Variants in UNC5C observed in about 807,000 individuals in gnomAD.
UNC5C encodes netrin receptor UNC5C.
A neutral mutation model predicts 99.8 loss-of-function variants in UNC5C; 47 were observed. The ratio of observed to expected loss-of-function variants is 0.47; its 90% CI spans 0.37 to 0.60. The LOEUF (loss-of-function observed/expected upper bound fraction) is 0.60. Ranked by LOEUF, UNC5C falls within the 20% of genes least tolerant of loss-of-function variation. The pLI is 0.00. For synonymous variants in UNC5C, 487 were observed against 452.2 expected, an observed-to-expected ratio of 1.08 and a Z score of -0.98; for missense variants, 1,062 against 1,165.9, an observed-to-expected ratio of 0.91 and a Z score of 1.30.
intron 3 of UNC5C, among the ~76,000 whole-genome samples, chr4:95,284,034 T>G (rs2149396553): frequency 6.6e-6 from 1 of 152,316 alleles, no homozygotes; most frequent in African/African-American, 2.4e-5. Context: ...TATTTTCCAT[T>G]TATACATAAC....
rs190092470 is a variant in UNC5C, at chr4:95,520,622, G to A, written c.124+28112C>T. Among the ~76,000 whole-genome samples the A allele has an allele frequency of 5.4e-4, 78 of 145,676 alleles. 1 individual carries two copies. The East Asian group carries it at 0.012, about 22-fold the overall frequency. The stretch of plus-strand genomic sequence containing the variant: ...TTTTTTTTTTTTTTTTTTTTGAGAC[G>A]GAGTCTCCCTCTGTCGCCCAGGCTG... On this transcript the variant is annotated intron_variant, in intron 1 of 15. Coordinates refer to ENST00000453304, the MANE Select transcript of UNC5C (RefSeq NM_003728.4).
At chr4:95,513,615 ATTATT>A (rs1473522115) in intron 1 of UNC5C, among the ~76,000 whole-genome samples, 1 of 152,150 alleles carries the variant, frequency 6.6e-6, no homozygotes, top group Non-Finnish European at 1.5e-5. Flanking sequence ...GTAAATTTCA[ATTATT>A]TTATTTGTAT....
At chr4:95,470,462 T>A (rs1238270842) in intron 1 of UNC5C, among the ~76,000 whole-genome samples, 1 of 152,010 alleles carries the variant, frequency 6.6e-6, no homozygotes, top group Non-Finnish European at 1.5e-5. Context: ...GTATACAACA[T>A]CTGGGAAGGA....
intron 1 of UNC5C, among the ~76,000 whole-genome samples, chr4:95,456,445 T>C (rs1454996809): frequency 6.6e-6 from 1 of 152,110 alleles, no homozygotes; most frequent in Non-Finnish European, 1.5e-5. Context: ...ATTCTGTACA[T>C]TTTCACTGAC....
chr4:95,348,866 A>G (rs1743876985), intron 1 of UNC5C, among the ~76,000 whole-genome samples: 1 of 151,600 alleles, frequency 6.6e-6, no homozygotes, highest in African/African-American at 2.4e-5. Context: ...AGCCAGGTAC[A>G]GAAAGACAAA....
intron 3 of UNC5C, among the ~76,000 whole-genome samples, chr4:95,292,232 CACACATATATAT>C (rs1478310855): frequency 3.7e-5 from 3 of 80,546 alleles, no homozygotes; most frequent in African/African-American, 1.9e-4. Context: ...CACACACACA[CACACATATATAT>C]ATATATATAT....
chr4:95,319,422 G>T (rs983477997), intron 2 of UNC5C, among the ~76,000 whole-genome samples: 4 of 152,186 alleles, frequency 2.6e-5, no homozygotes, highest in African/African-American at 7.2e-5. Context: ...GATGAAATTA[G>T]AAATGAGTCC....
chr4:95,425,536 A>G (rs905224721), intron 1 of UNC5C, among the ~76,000 whole-genome samples: 1 of 152,156 alleles, frequency 6.6e-6, no homozygotes, highest in African/African-American at 2.4e-5. Context: ...GTTAGCCAGG[A>G]TGGTCTGGAT....
intron 2 of UNC5C, among the ~76,000 whole-genome samples, chr4:95,309,927 T>TA (rs1742218078): frequency 1.3e-5 from 2 of 152,148 alleles, no homozygotes; most frequent in Admixed American, 1.3e-4. Flanking sequence ...GCAGTTCCAC[T>TA]AATAGGTGTA....
At chr4:95,346,891 A>T (rs1743791677) in intron 1 of UNC5C, among the ~76,000 whole-genome samples, 1 of 152,046 alleles carries the variant, frequency 6.6e-6, no homozygotes, top group Admixed American at 6.6e-5. Context: ...CTGTTAGTCA[A>T]CATAGTACTA....
At chr4:95,332,735 C>A (rs1372260876) in intron 2 of UNC5C, among the ~76,000 whole-genome samples, 203 of 150,150 alleles carry the variant, frequency 1.4e-3, no homozygotes, top group African/African-American at 4.7e-3. Flanking sequence ...TCTAATTAAA[C>A]TAAAGAGCTT....
At chr4:95,504,169 G>C (rs1721849681) in intron 1 of UNC5C, among the ~76,000 whole-genome samples, 1 of 152,046 alleles carries the variant, frequency 6.6e-6, no homozygotes, top group South Asian at 2.1e-4. Flanking sequence ...ACATTCAGTG[G>C]ATGGTAATAT....
chr4:95,360,503 CATACAGGGAAAGGATTCCAAG>C (rs1744356694), intron 1 of UNC5C, among the ~76,000 whole-genome samples: 1 of 152,118 alleles, frequency 6.6e-6, no homozygotes, highest in African/African-American at 2.4e-5. Flanking sequence ...TTGCAAAAAA[CATACAGGGAAAGGATTCCAAG>C]TTAAGTAGTG....
chr4:95,319,578 T>G (rs1217332847), intron 2 of UNC5C, among the ~76,000 whole-genome samples: 1 of 152,140 alleles, frequency 6.6e-6, no homozygotes, highest in Middle Eastern at 3.2e-3. Flanking sequence ...AAGGTACTAT[T>G]TAGAGGATCT....
intron 1 of UNC5C, among the ~76,000 whole-genome samples, chr4:95,367,456 G>A (rs1322641633): frequency 2.6e-5 from 4 of 152,070 alleles, no homozygotes; most frequent in African/African-American, 9.7e-5. Flanking sequence ...TGGGATTACA[G>A]GCGTGAGCCA....
At chr4:95,403,874 C>G (rs1454693986) in intron 1 of UNC5C, among the ~76,000 whole-genome samples, 1 of 152,230 alleles carries the variant, frequency 6.6e-6, no homozygotes, top group Non-Finnish European at 1.5e-5. Flanking sequence ...GCCAGTGTGG[C>G]TCACAGATGG....
chr4:95,163,796 CAG>C lies in UNC5C; in HGVS notation c.*5436_*5437del, dbSNP rs1735762317. The stretch of plus-strand genomic sequence containing the variant: ...GGGCCACAACTGTCACGACATTCTG[CAG>C]AGATTCCCAACCTGGGATTCCAGAA... On this transcript the variant is annotated 3_prime_UTR_variant, in exon 16 of 16. Transcript: ENST00000453304. The C allele has an allele frequency of 6.6e-6, 1 of 152,168 alleles. No individual in the cohort carries two copies. Among genetic ancestry groups the C allele is most frequent in the Admixed American group, 6.5e-5 (1 of 15,274 alleles). The allele number at this position is 152,168 out of a possible 1,614,324, so 9.4% of individuals were successfully genotyped here.
chr4:95,289,870 G>C (rs1343472129), intron 3 of UNC5C, among the ~76,000 whole-genome samples: 2 of 152,198 alleles, frequency 1.3e-5, no homozygotes, highest in Admixed American at 6.5e-5. Flanking sequence ...TAATGCCATA[G>C]AGCCCTGAAA....
At chr4:95,466,749 C>T (rs1747791172) in intron 1 of UNC5C, among the ~76,000 whole-genome samples, 3 of 152,032 alleles carry the variant, frequency 2.0e-5, no homozygotes, top group Non-Finnish European at 2.9e-5. Flanking sequence ...TCATAAATCA[C>T]ATTATAGTGT....
Sources: allele counts gnomAD v4.1 joint callset (sites outside exome capture counted in the v4.1 genomes callset), GRCh38; gene constraint gnomAD v4.1.1; transcripts MANE v1.5; gene names NCBI Gene and HGNC (gene_info 2026-07-23, HGNC 2026-07-21).